The following TBPL2 variants were observed in gnomAD, a reference collection of about 807,000 sequenced individuals.
TBPL2 encodes the protein TATA box-binding protein-like 2.
TBPL2 carries 40 observed loss-of-function variants against 38.2 expected under a neutral mutation model. The observed-to-expected ratio is 1.05, with a 90% CI of 0.81 to 1.36. TBPL2 has a LOEUF of 1.36. Among genes scored for constraint, TBPL2 ranks in the 40% most tolerant of loss-of-function variants. TBPL2 has a pLI of 0.00. For missense variants in TBPL2, 461 were observed against 456.7 expected (o/e 1.01, Z -0.09); for synonymous variants, 169 against 171.7 (o/e 0.98, Z 0.12).
intron 6 of TBPL2, among the ~76,000 whole-genome samples, chr14:55,416,943 G>C (rs1165964906): frequency 6.6e-6 from 1 of 152,126 alleles, no homozygotes; most frequent in East Asian, 1.9e-4. Flanking sequence ...TCCTAACTAG[G>C]AGGTGGTATA....
At chr14:55,438,194 A>G (rs988849193) in intron 1 of TBPL2, among the ~76,000 whole-genome samples, 4 of 152,214 alleles carry the variant, frequency 2.6e-5, no homozygotes, top group African/African-American at 9.6e-5. Context: ...ACCGTGTTGC[A>G]TCTTCTCAGT....
At chr14:55,425,306 G>A (rs984516450) in intron 5 of TBPL2, among the ~76,000 whole-genome samples, 2 of 152,146 alleles carry the variant, frequency 1.3e-5, no homozygotes, top group Admixed American at 6.5e-5. Flanking sequence ...TGACACTAGG[G>A]GGAGCCCTGA....
At position 55,414,490 on chromosome 14, in the gene TBPL2, A is replaced by G. The variant is rs1349250710; in HGVS notation, c.1052-35T>C. 3 of 1,447,404 alleles carry G rather than the reference A, an allele frequency of 2.1e-6. No homozygotes were observed. In the East Asian group the frequency reaches 7.3e-5, roughly 35 times the overall value. The allele number at this position is 1,447,404 out of a possible 1,614,324, so 89.7% of individuals were successfully genotyped here. On this transcript the variant is annotated intron_variant, in intron 6 of 6. Transcript: ENST00000247219. The stretch of plus-strand genomic sequence containing the variant: ...AATCCAGGTTTATATAATTTTTAAT[A>G]TAAAAATACCAACATTTACTTAAAC...
At chr14:55,429,766 C>CAAAAAAAAAAAAAAAAA (rs71131266) in intron 4 of TBPL2, among the ~76,000 whole-genome samples, 1 of 52,394 alleles carries the variant, frequency 1.9e-5, no homozygotes, top group Non-Finnish European at 3.2e-5. Context: ...AACTCCGTCT[C>CAAAAAAAAAAAAAAAAA]AAAAAAAAAA....
chr14:55,438,030 A>G (rs79257991), intron 1 of TBPL2, among the ~76,000 whole-genome samples: 10,303 of 152,274 alleles, frequency 0.068, 387 homozygotes, highest in Non-Finnish European at 0.088. Context: ...AAATTCATGG[A>G]CTTTATTATG....
intron 6 of TBPL2, among the ~76,000 whole-genome samples, chr14:55,417,667 G>A (rs1036046404): frequency 6.6e-6 from 1 of 152,072 alleles, no homozygotes; most frequent in African/African-American, 2.4e-5. Context: ...TCGCTATGTT[G>A]CCCAGGCTGG....
At chr14:55,435,761 GAGGAATTAGTCA>G in intron 3 of TBPL2, 74 bp downstream of exon 3, 1 of 984,852 alleles carries the variant, frequency 1.0e-6, no homozygotes, top group Non-Finnish European at 1.5e-6. Context: ...AGAAAAAACA[GAGGAATTAGTCA>G]ATATCATGAT....
At chr14:55,423,344 G>A (rs575993785) in intron 6 of TBPL2, among the ~76,000 whole-genome samples, 2 of 152,312 alleles carry the variant, frequency 1.3e-5, no homozygotes, top group South Asian at 2.1e-4. Context: ...ACAATTGGGC[G>A]ATTTGTTCTA....
exon 3 of TBPL2, chr14:55,435,909 C>T (rs558044304): frequency 6.3e-7 from 1 of 1,582,706 alleles, no homozygotes; most frequent in Non-Finnish European, 8.5e-7. Context: ...AACTTACAGG[C>T]CAGGTTTACA....
chr14:55,422,380 G>A (rs1323539480), intron 6 of TBPL2, among the ~76,000 whole-genome samples: 2 of 152,142 alleles, frequency 1.3e-5, no homozygotes, highest in Non-Finnish European at 2.9e-5. Context: ...TGAGTAGCTG[G>A]GATTACAGGC....
At chr14:55,422,176 A>T (rs898166556) in intron 6 of TBPL2, among the ~76,000 whole-genome samples, 2 of 152,236 alleles carry the variant, frequency 1.3e-5, no homozygotes, top group African/African-American at 2.4e-5. Flanking sequence ...ATGAGAAGAT[A>T]TGTAGCGTTA....
At chr14:55,422,634 T>C (rs1001753228) in intron 6 of TBPL2, among the ~76,000 whole-genome samples, 4 of 152,134 alleles carry the variant, frequency 2.6e-5, no homozygotes, top group African/African-American at 9.7e-5. Context: ...GGTAGATCAC[T>C]TGAGGCCAGA....
chr14:55,421,557 A>T (rs1478555066), intron 6 of TBPL2, among the ~76,000 whole-genome samples: 2 of 152,116 alleles, frequency 1.3e-5, no homozygotes, highest in African/African-American at 4.8e-5. Context: ...TCTGCCTCCC[A>T]GGTTCAAGTG....
chr14:55,418,564 C>T (rs972923453), intron 6 of TBPL2, among the ~76,000 whole-genome samples: 1 of 152,170 alleles, frequency 6.6e-6, no homozygotes, highest in African/African-American at 2.4e-5. Context: ...TTGGGAGGCA[C>T]ATCCTGTCGT....
At chr14:55,429,863 A>G (rs1210882577) in intron 4 of TBPL2, among the ~76,000 whole-genome samples, 2 of 150,858 alleles carry the variant, frequency 1.3e-5, no homozygotes, top group African/African-American at 2.4e-5. Flanking sequence ...ATATGTGCTG[A>G]TTGAGTGGCA....
At chr14:55,440,471 G>T in exon 1 of TBPL2, 1 of 1,611,856 alleles carries the variant, frequency 6.2e-7, no homozygotes, top group Non-Finnish European at 8.5e-7. Flanking sequence ...CCACTGTTGG[G>T]GGTGGGGGCG....
chr14:55,440,178 G>C (rs1330722406), intron 1 of TBPL2, among the ~76,000 whole-genome samples: 1 of 152,100 alleles, frequency 6.6e-6, no homozygotes, highest in Non-Finnish European at 1.5e-5. Flanking sequence ...CTGAGTGAAC[G>C]GTTCTGGATT....
intron 4 of TBPL2, among the ~76,000 whole-genome samples, chr14:55,432,821 T>C (rs1361092576): frequency 1.3e-5 from 2 of 152,226 alleles, no homozygotes; most frequent in South Asian, 4.1e-4. Flanking sequence ...TACAGAGTTA[T>C]GGTGAAAGAA....
At chr14:55,432,681 C>T (rs1045240063) in intron 4 of TBPL2, among the ~76,000 whole-genome samples, 8 of 152,082 alleles carry the variant, frequency 5.3e-5, no homozygotes, top group Non-Finnish European at 1.0e-4. Context: ...AAAAGAATAT[C>T]GACACCCAGT....
Sources: allele counts gnomAD v4.1 joint callset (sites outside exome capture counted in the v4.1 genomes callset), GRCh38; gene constraint gnomAD v4.1.1; transcripts MANE v1.5; gene names NCBI Gene and HGNC (gene_info 2026-07-23, HGNC 2026-07-21).